TMUB1: variants seen among roughly 807,000 people sequenced by gnomAD.
The protein encoded by TMUB1 is transmembrane and ubiquitin like domain containing 1.
A neutral mutation model predicts 16.2 loss-of-function variants in TMUB1; 9 were observed. The observed-to-expected ratio is 0.55, with a 90% CI of 0.33 to 0.97. TMUB1 has a LOEUF of 0.97. Ranked by LOEUF, TMUB1 falls within the 50% of genes least tolerant of loss-of-function variation. The pLI is 0.03. For synonymous variants in TMUB1, 155 were observed against 152.2 expected, an observed-to-expected ratio of 1.02 and a Z score of -0.13; for missense variants, 309 against 313.5, an observed-to-expected ratio of 0.99 and a Z score of 0.11.
rs928669066 is a variant in TMUB1 at position 151,082,042 on chromosome 7, T to G, written c.389+133A>C. 3.6e-6 allele frequency: 5 copies of G among 1,408,144 alleles called. No individual in the cohort carries two copies. The highest frequency in any genetic ancestry group is 4.7e-6 in the Non-Finnish European group (5 of 1,058,804). The allele number at this position is 1,408,144 out of a possible 1,614,324, so 87.2% of individuals were successfully genotyped here. A position where few individuals can be genotyped will look rare whatever the true frequency, so the allele number is the denominator to read the frequency against. ...AGGGGCCGTCTGCCAGGGGAACAAG[T>G]ACAGTTGTGATCTGGGGCGCTCAGC... On this transcript the variant is annotated intron_variant, in intron 2 of 2. Coordinates refer to ENST00000297533, the MANE Select transcript of TMUB1 (RefSeq NM_001136044.2). This position sits in a 1 kb window ranked among gnomAD's most constrained non-coding sequence, Gnocchi z 7.0.
chr7:151,081,257 G>A lies in TMUB1; in HGVS notation c.*292C>T. On this transcript the variant is annotated 3_prime_UTR_variant, in exon 3 of 3. Coordinates refer to ENST00000297533, the MANE Select transcript of TMUB1 (RefSeq NM_001136044.2). The surrounding 1 kb of genome is among the most constrained non-coding windows in gnomAD (Gnocchi z 7.6). The stretch of plus-strand genomic sequence containing the variant: ...CAGAACACTAAGACGGGCCCCCGGG[G>A]CGGCCCGGCTCTGCCCGGGGCCGAG... 4.1e-6 allele frequency: 1 copy of A among 242,268 alleles called. No individual in the cohort carries two copies. The highest frequency in any genetic ancestry group is 7.5e-6 in the Non-Finnish European group (1 of 133,546). 15.0% of individuals were successfully genotyped at this position (242,268 alleles called of 1,614,324 possible). A position where few individuals can be genotyped will look rare whatever the true frequency, so the allele number is the denominator to read the frequency against.
Position 151,081,947 on chromosome 7 carries a change from T to C in TMUB1, c.390-47A>G, listed in dbSNP as rs1202829204. The C allele has an allele frequency of 1.4e-6, 2 of 1,448,822 alleles. No individual in the cohort carries two copies. Among genetic ancestry groups the C allele is most frequent in the Non-Finnish European group, 1.8e-6 (2 of 1,100,992 alleles). 89.7% of individuals were successfully genotyped at this position (1,448,822 alleles called of 1,614,324 possible). ...TAAGAGAGCAGGCCTCAGGCAATCC[T>C]AGTCCCTGGCCCCGGAACAGCACTC... On this transcript the variant is annotated intron_variant, in intron 2 of 2. Coordinates refer to ENST00000297533, the MANE Select transcript of TMUB1 (RefSeq NM_001136044.2). This position sits in a 1 kb window ranked among gnomAD's most constrained non-coding sequence, Gnocchi z 7.6.
Position 151,081,769 on chromosome 7 carries a change from C to A in TMUB1, c.521G>T (p.Arg174Ile). The A allele has an allele frequency of 1.3e-6, 2 of 1,595,104 alleles. No homozygotes were observed. The highest frequency in any genetic ancestry group is 1.8e-5 in the Admixed American group (1 of 56,372). The change falls in exon 3 of 3, where the codon AGA becomes ATA. Residue 174 changes from arginine (R) to isoleucine (I), a missense_variant. Physicochemically the swap from Arg to Ile is moderately conservative, Grantham distance 97 (BLOSUM62 -3). Transcript: ENST00000297533. The surrounding 1 kb of genome is among the most constrained non-coding windows in gnomAD (Gnocchi z 7.6). ...NCVLHCHVST[R>I]VGPPNPPCPP... Reference sequence around the variant, plus strand: ...GCAGGGGGGATTTGGGGGACCGACTCTCGTGGACACGTGGCAGTGGAGAAC... The same window carrying A: ...GCAGGGGGGATTTGGGGGACCGACTATCGTGGACACGTGGCAGTGGAGAAC...
chr7:151,081,886 C>T lies in TMUB1; in HGVS notation c.404G>A (p.Gly135Asp), dbSNP rs866746253. The T allele has an allele frequency of 2.7e-6, 4 of 1,483,026 alleles. No individual in the cohort carries two copies. Among genetic ancestry groups the T allele is most frequent in the Non-Finnish European group, 3.6e-6 (4 of 1,116,952 alleles). The allele number at this position is 1,483,026 out of a possible 1,614,324, so 91.9% of individuals were successfully genotyped here. A position where few individuals can be genotyped will look rare whatever the true frequency, so the allele number is the denominator to read the frequency against. Residue 135 changes from glycine to aspartate, a missense_variant, in exon 3 of 3, where the codon GGC becomes GAC. Coordinates refer to ENST00000297533, the MANE Select transcript of TMUB1 (RefSeq NM_001136044.2). The surrounding 1 kb of genome is among the most constrained non-coding windows in gnomAD (Gnocchi z 7.6). The part of the protein sequence containing the change: ...IGSLKRTQFP[G>D]REQQVRLIYQ... ...GATGAGTCGCACCTGCTGTTCCCGG[C>T]CGGGAAACTGGGTCCTGAGGAGAGA...
chr7:151,082,378 C>G lies in TMUB1; in HGVS notation c.186G>C (p.Met62Ile), dbSNP rs1798019143. 8 of 1,598,544 alleles carry G rather than the reference C, an allele frequency of 5.0e-6. No individual in the cohort carries two copies. The highest frequency in any genetic ancestry group is 1.8e-5 in the Admixed American group (1 of 56,984). Residue 62 changes from methionine to isoleucine, a missense_variant, in exon 2 of 3, where the codon ATG becomes ATC. By Grantham distance (10) the Met-to-Ile change is conservative. Coordinates refer to ENST00000297533, the MANE Select transcript of TMUB1 (RefSeq NM_001136044.2). This position sits in a 1 kb window ranked among gnomAD's most constrained non-coding sequence, Gnocchi z 7.0. ...PSAAMAATDS[M>I]RGEAPGAETP... ...TCTCTGCCCCTGGGGCCTCCCCTCT[C>G]ATGCTGTCGGTAGCTGCCATGGCTG... is the stretch of plus-strand genomic sequence containing the variant.
chr7:151,081,824 G>C lies in TMUB1; in HGVS notation c.466C>G (p.Leu156Val). 1 of 1,547,772 alleles carries C rather than the reference G, an allele frequency of 6.5e-7. No homozygotes were observed. Among genetic ancestry groups the C allele is most frequent in the Non-Finnish European group, 8.7e-7 (1 of 1,145,714 alleles). Residue 156 changes from leucine (L) to valine (V), a missense_variant, in exon 3 of 3, where the codon CTG becomes GTG. Physicochemically the swap from Leu to Val is conservative, Grantham distance 32. Coordinates refer to ENST00000297533, the MANE Select transcript of TMUB1 (RefSeq NM_001136044.2). The surrounding 1 kb of genome is among the most constrained non-coding windows in gnomAD (Gnocchi z 7.6). ...TTGGGAGGGAGGTGAAGGCTGCCCA[G>C]GGTCTGGGTGTCGTCGCCTAGCAGC... ...GQLLGDDTQT[L>V]GSLHLPPNCV... is the part of the protein sequence containing the mutation.
chr7:151,083,135 G>T lies in TMUB1; in HGVS notation c.-31+299C>A, dbSNP rs924121740. On this transcript the variant is annotated intron_variant, in intron 1 of 2. Coordinates refer to ENST00000297533, the MANE Select transcript of TMUB1 (RefSeq NM_001136044.2). The surrounding 1 kb of genome is among the most constrained non-coding windows in gnomAD (Gnocchi z 5.9). Reference sequence around the variant, plus strand: ...TCCCCCACAGCAAACGTCAAACTCCGCCCCTGGGCAATCTGGAGCCACCGA... The same window carrying T: ...TCCCCCACAGCAAACGTCAAACTCCTCCCCTGGGCAATCTGGAGCCACCGA... 2 of 131,840 alleles carry T rather than the reference G, an allele frequency of 1.5e-5. No individual in the cohort carries two copies. Among genetic ancestry groups the T allele is most frequent in the Non-Finnish European group, 3.1e-5 (2 of 64,538 alleles). 8.2% of individuals were successfully genotyped at this position (131,840 alleles called of 1,614,324 possible).
chr7:151,081,171 C>T lies in TMUB1; in HGVS notation c.*378G>A, dbSNP rs965160185. 4 of 206,128 alleles carry T rather than the reference C, an allele frequency of 1.9e-5. No homozygotes were observed. The Admixed American group carries it at 2.4e-4, about 12-fold the overall frequency. The allele number at this position is 206,128 out of a possible 1,614,324, so 12.8% of individuals were successfully genotyped here. On this transcript the variant is annotated 3_prime_UTR_variant, in exon 3 of 3. Coordinates refer to ENST00000297533, the MANE Select transcript of TMUB1 (RefSeq NM_001136044.2). This position sits in a 1 kb window ranked among gnomAD's most constrained non-coding sequence, Gnocchi z 7.6. ...CTCCCCTTCACCAGCCTCCCACCGA[C>T]CTGGCGTCCCCAACTCAGCCCAAGG...
chr7:151,081,860 A>T lies in TMUB1; in HGVS notation c.430T>A (p.Tyr144Asn). The stretch of plus-strand genomic sequence containing the variant: ...TCGTCGCCTAGCAGCTGCCCTTGGT[A>T]GATGAGTCGCACCTGCTGTTCCCGG... ...PGREQQVRLI[Y>N]QGQLLGDDTQ... The change falls in exon 3 of 3, where the codon TAC (tyrosine) becomes AAC (asparagine). Residue 144 changes from tyrosine to asparagine, a missense_variant. Transcript: ENST00000297533. This position sits in a 1 kb window ranked among gnomAD's most constrained non-coding sequence, Gnocchi z 7.6. 1 of 1,511,036 alleles carries T rather than the reference A, an allele frequency of 6.6e-7. No individual in the cohort carries two copies. Among genetic ancestry groups the T allele is most frequent in the Non-Finnish European group, 8.9e-7 (1 of 1,128,760 alleles). 93.6% of individuals were successfully genotyped at this position (1,511,036 alleles called of 1,614,324 possible). A position where few individuals can be genotyped will look rare whatever the true frequency, so the allele number is the denominator to read the frequency against.
Position 151,081,731 on chromosome 7 carries a change from CG to C in TMUB1, c.558del (p.Glu187SerfsTer37), listed in dbSNP as rs768943721. On this transcript the variant is annotated frameshift_variant, in exon 3 of 3. Coordinates refer to ENST00000297533, the MANE Select transcript of TMUB1 (RefSeq NM_001136044.2). LOFTEE classifies it high-confidence loss of function. This position sits in a 1 kb window ranked among gnomAD's most constrained non-coding sequence, Gnocchi z 7.6. ...ATTTCCAGCCCGGAGGGGCCGGGCTCGGACCCCGGCGGGCAGGGGGGATTTG... is the reference window on the plus strand; with the variant it reads ...ATTTCCAGCCCGGAGGGGCCGGGCTCGACCCCGGCGGGCAGGGGGGATTTG... Reference protein sequence around the residue: ...GPPNPPCPPGSEPGPSGLEIG... With the variant: ...GPPNPPCPPGXEPGPSGLEIG... 2 of 1,585,586 alleles carry C rather than the reference CG, an allele frequency of 1.3e-6. No homozygotes were observed. The highest frequency in any genetic ancestry group is 4.5e-5 in the East Asian group (2 of 44,012).
chr7:151,082,863 C>T lies in TMUB1; in HGVS notation c.-30-270G>A. Reference sequence around the variant, plus strand: ...CTCCCAACTCACCCAAACCCTATCCCAAGGTAAGGGCCTAAGCAACGCCTC... The same window carrying T: ...CTCCCAACTCACCCAAACCCTATCCTAAGGTAAGGGCCTAAGCAACGCCTC... On this transcript the variant is annotated intron_variant, in intron 1 of 2. Transcript: ENST00000297533. The surrounding 1 kb of genome is among the most constrained non-coding windows in gnomAD (Gnocchi z 7.0). 1 of 337,142 alleles carries T rather than the reference C, an allele frequency of 3.0e-6. No individual in the cohort carries two copies. Among genetic ancestry groups the T allele is most frequent in the South Asian group, 1.3e-4 (1 of 7,958 alleles). 20.9% of individuals were successfully genotyped at this position (337,142 alleles called of 1,614,324 possible).
Position 151,082,131 on chromosome 7 carries a change from C to G in TMUB1, c.389+44G>C, listed in dbSNP as rs902908912. ...TGGGGGCCTTCTGCGACCACTCTCC[C>G]AACCCCTGTCTTTAGCATTGCTCCT... On this transcript the variant is annotated intron_variant, in intron 2 of 2. Coordinates refer to ENST00000297533, the MANE Select transcript of TMUB1 (RefSeq NM_001136044.2). The surrounding 1 kb of genome is among the most constrained non-coding windows in gnomAD (Gnocchi z 7.0). 6.7e-7 allele frequency: 1 copy of G among 1,495,188 alleles called. No homozygotes were observed. 92.6% of individuals were successfully genotyped at this position (1,495,188 alleles called of 1,614,324 possible).
chr7:151,082,109 G>A lies in TMUB1; in HGVS notation c.389+66C>T, dbSNP rs1350438386. 3.4e-6 allele frequency: 5 copies of A among 1,483,690 alleles called. No homozygotes were observed. The highest frequency in any genetic ancestry group is 4.5e-6 in the Non-Finnish European group (5 of 1,116,822). 91.9% of individuals were successfully genotyped at this position (1,483,690 alleles called of 1,614,324 possible). On this transcript the variant is annotated intron_variant, in intron 2 of 2. Transcript: ENST00000297533. This position sits in a 1 kb window ranked among gnomAD's most constrained non-coding sequence, Gnocchi z 7.0. ...AGGGCTGGGTCTTAGGTGTCTCTGG[G>A]GGCCTTCTGCGACCACTCTCCCAAC...
In TMUB1 at chr7:151,083,032, C is replaced by T. The variant is rs1407515307; in HGVS notation, c.-31+402G>A. The stretch of plus-strand genomic sequence containing the variant: ...AAGTTTCTAAGAGGTGGGGGTAGAG[C>T]CTCTGTGCCCCCACCCCCGCCCCCC... On this transcript the variant is annotated intron_variant, in intron 1 of 2. Coordinates refer to ENST00000297533, the MANE Select transcript of TMUB1 (RefSeq NM_001136044.2). This position sits in a 1 kb window ranked among gnomAD's most constrained non-coding sequence, Gnocchi z 5.9. 1 of 154,740 alleles carries T rather than the reference C, an allele frequency of 6.5e-6. No homozygotes were observed. The highest frequency in any genetic ancestry group is 1.4e-5 in the Non-Finnish European group (1 of 69,942). The allele number at this position is 154,740 out of a possible 1,614,324, so 9.6% of individuals were successfully genotyped here.
In TMUB1 at chr7:151,081,444, A is replaced by C; in HGVS notation, c.*105T>G. The C allele has an allele frequency of 8.1e-6, 11 of 1,365,314 alleles. No homozygotes were observed. Among genetic ancestry groups the C allele is most frequent in the East Asian group, 3.0e-5 (1 of 33,054 alleles). The allele number at this position is 1,365,314 out of a possible 1,614,324, so 84.6% of individuals were successfully genotyped here. ...AGGGCTGGGCTCCAGGGCGGCGGGAAGAGGCAGGCCGGAGAGGCGGGCCTG... is the reference window on the plus strand; with the variant it reads ...AGGGCTGGGCTCCAGGGCGGCGGGACGAGGCAGGCCGGAGAGGCGGGCCTG... On this transcript the variant is annotated 3_prime_UTR_variant, in exon 3 of 3. Coordinates refer to ENST00000297533, the MANE Select transcript of TMUB1 (RefSeq NM_001136044.2). The surrounding 1 kb of genome is among the most constrained non-coding windows in gnomAD (Gnocchi z 7.6).
In TMUB1 at chr7:151,082,045, A is replaced by C. The variant is rs1798006513; in HGVS notation, c.389+130T>G. 1.4e-6 allele frequency: 2 copies of C among 1,407,284 alleles called. No individual in the cohort carries two copies. Among genetic ancestry groups the C allele is most frequent in the South Asian group, 1.5e-5 (1 of 65,518 alleles). 87.2% of individuals were successfully genotyped at this position (1,407,284 alleles called of 1,614,324 possible). On this transcript the variant is annotated intron_variant, in intron 2 of 2. Coordinates refer to ENST00000297533, the MANE Select transcript of TMUB1 (RefSeq NM_001136044.2). The surrounding 1 kb of genome is among the most constrained non-coding windows in gnomAD (Gnocchi z 7.0). ...GGCCGTCTGCCAGGGGAACAAGTAC[A>C]GTTGTGATCTGGGGCGCTCAGCGCC...
Position 151,081,697 on chromosome 7 carries a change from A to G in TMUB1, c.593T>C (p.Leu198Pro). Residue 198 changes from leucine to proline, a missense_variant, in exon 3 of 3, where the codon CTG becomes CCG. Leu to Pro is a moderately conservative substitution (Grantham distance 98). Transcript: ENST00000297533. The surrounding 1 kb of genome is among the most constrained non-coding windows in gnomAD (Gnocchi z 7.6). ...PGPSGLEIGS[L>P]LLPLLLLLLL... Reference sequence around the variant, plus strand: ...CAGCAGGAGCAGCAGGGGCAGCAGCAGGCTGCCGATTTCCAGCCCGGAGGG... The same window carrying G: ...CAGCAGGAGCAGCAGGGGCAGCAGCGGGCTGCCGATTTCCAGCCCGGAGGG... 1 of 1,583,452 alleles carries G rather than the reference A, an allele frequency of 6.3e-7. No homozygotes were observed. Among genetic ancestry groups the G allele is most frequent in the Non-Finnish European group, 8.6e-7 (1 of 1,165,468 alleles).
Position 151,081,466 on chromosome 7 carries a change from C to T in TMUB1, c.*83G>A. On this transcript the variant is annotated 3_prime_UTR_variant, in exon 3 of 3. Coordinates refer to ENST00000297533, the MANE Select transcript of TMUB1 (RefSeq NM_001136044.2). The surrounding 1 kb of genome is among the most constrained non-coding windows in gnomAD (Gnocchi z 7.6). ...GGAAGAGGCAGGCCGGAGAGGCGGG[C>T]CTGGGCAGGCAGCAGCTCCCGCCGC... 7.1e-7 allele frequency: 1 copy of T among 1,408,166 alleles called. No homozygotes were observed. The highest frequency in any genetic ancestry group is 9.2e-7 in the Non-Finnish European group (1 of 1,082,688). The allele number at this position is 1,408,166 out of a possible 1,614,324, so 87.2% of individuals were successfully genotyped here. A position where few individuals can be genotyped will look rare whatever the true frequency, so the allele number is the denominator to read the frequency against.
chr7:151,081,277 GCCGAGGCAGCGACAGCAGATGCCCGACC>G lies in TMUB1; in HGVS notation c.*244_*271del, dbSNP rs1797975321. On this transcript the variant is annotated 3_prime_UTR_variant, in exon 3 of 3. Transcript: ENST00000297533. The surrounding 1 kb of genome is among the most constrained non-coding windows in gnomAD (Gnocchi z 7.6). ...CCGGGGCGGCCCGGCTCTGCCCGGG[GCCGAGGCAGCGACAGCAGATGCCCGACC>G]CCGAGGAGCCCACTCCCAGTGCGGG... 6.0e-6 allele frequency: 2 copies of G among 331,752 alleles called. No individual in the cohort carries two copies. Among genetic ancestry groups the G allele is most frequent in the Non-Finnish European group, 4.8e-6 (1 of 209,372 alleles). 20.6% of individuals were successfully genotyped at this position (331,752 alleles called of 1,614,324 possible). A position where few individuals can be genotyped will look rare whatever the true frequency, so the allele number is the denominator to read the frequency against.
Sources: gnomAD v4.1 joint callset for allele counts on GRCh38, gnomAD v4.1.1 for gene constraint, Gnocchi (gnomAD v3.1) non-coding constraint, MANE v1.5 for transcripts, NCBI Gene and HGNC (gene_info 2026-07-23, HGNC 2026-07-21) for gene names.